Variants in GBP7 observed in about 807,000 individuals in gnomAD.
The protein encoded by GBP7 is guanylate binding protein 7.
GBP7 carries 43 observed loss-of-function variants against 61.3 expected under a neutral mutation model. The observed-to-expected ratio is 0.70, with a 90% CI of 0.55 to 0.91. GBP7 has a LOEUF of 0.91. Among genes scored for constraint, GBP7 ranks in the 40% least tolerant of loss-of-function variants. The pLI is 0.00. For missense variants in GBP7, 717 were observed against 740.5 expected (o/e 0.97, Z 0.37); for synonymous variants, 267 against 271.0 (o/e 0.99, Z 0.14).
chr1:89,150,849 C>T (rs1682180747), intron 5 of GBP7, among the ~76,000 whole-genome samples: 1 of 152,268 alleles, frequency 6.6e-6, no homozygotes, highest in South Asian at 2.1e-4. Flanking sequence ...TTTCCTCAGC[C>T]ACTGTATGAT....
intron 8 of GBP7, among the ~76,000 whole-genome samples, chr1:89,145,256 T>C (rs1359393860): frequency 2.0e-5 from 3 of 152,174 alleles, no homozygotes; most frequent in Non-Finnish European, 4.4e-5. Flanking sequence ...TAGCTGACTT[T>C]CGCTCTTTTT....
At chr1:89,156,370 A>G (rs565742927) in intron 3 of GBP7, among the ~76,000 whole-genome samples, 5,027 of 152,292 alleles carry the variant, frequency 0.033, 274 homozygotes, top group African/African-American at 0.11. Context: ...CCTTAAATGT[A>G]AATGGGCTAA....
chr1:89,133,245 C>T lies in GBP7; in HGVS notation c.1662+13G>A. ...TTGTGCCTCAAGCACTGCCAAGCTT[C>T]ATCCAGACTCACCTTCATCTTGTGA... On this transcript the variant is annotated intron_variant, in intron 10 of 10. Coordinates refer to ENST00000294671, the MANE Select transcript of GBP7 (RefSeq NM_207398.3). 1 of 1,609,768 alleles carries T rather than the reference C, an allele frequency of 6.2e-7. No individual in the cohort carries two copies. Among genetic ancestry groups the T allele is most frequent in the Non-Finnish European group, 8.5e-7 (1 of 1,176,674 alleles).
At chr1:89,133,185 A>T in intron 10 of GBP7, 73 bp downstream of exon 10, 1 of 1,115,082 alleles carries the variant, frequency 9.0e-7, no homozygotes, top group Non-Finnish European at 1.3e-6. Context: ...GACTGAGCTT[A>T]AAATTTTGGC....
intron 2 of GBP7, among the ~76,000 whole-genome samples, chr1:89,168,413 T>G (rs775165074): frequency 2.2e-4 from 34 of 152,152 alleles, no homozygotes; most frequent in African/African-American, 5.3e-4. Flanking sequence ...ACAGAAAAAC[T>G]GAAAATAACC....
intron 9 of GBP7, among the ~76,000 whole-genome samples, chr1:89,141,279 T>G (rs1681941063): frequency 6.6e-6 from 1 of 152,052 alleles, no homozygotes; most frequent in Non-Finnish European, 1.5e-5. Flanking sequence ...CAAAATGACT[T>G]TGAAAAAAGC....
chr1:89,150,084 G>C (rs531938804), intron 6 of GBP7, among the ~76,000 whole-genome samples: 2 of 152,270 alleles, frequency 1.3e-5, no homozygotes, highest in Non-Finnish European at 2.9e-5. Context: ...ATAAGATTAC[G>C]CTGAATTTTG....
chr1:89,147,281 G>C (rs1682091197), intron 8 of GBP7, among the ~76,000 whole-genome samples: 1 of 152,062 alleles, frequency 6.6e-6, no homozygotes, highest in Non-Finnish European at 1.5e-5. Context: ...TCCTTTCATA[G>C]TGTATTTCTG....
At chr1:89,170,224 T>C (rs1647561823) in intron 2 of GBP7, among the ~76,000 whole-genome samples, 1 of 152,244 alleles carries the variant, frequency 6.6e-6, no homozygotes, top group Non-Finnish European at 1.5e-5. Flanking sequence ...TTTTAATTTG[T>C]TTAATTGGCC....
In GBP7 at chr1:89,175,949, A is replaced by G. The variant is rs1647725849; in HGVS notation, c.-48T>C. ...GAGTAGAGATCCTCTGGACTTGGTA[A>G]GAAGGCAGCTTCAATGAGAAAGTTA... On this transcript the variant is annotated 5_prime_UTR_variant, in exon 1 of 11. Transcript: ENST00000294671. The G allele has an allele frequency of 6.6e-6, 1 of 152,244 alleles. No homozygotes were observed. Among genetic ancestry groups the G allele is most frequent in the Admixed American group, 6.5e-5 (1 of 15,288 alleles). 9.4% of individuals were successfully genotyped at this position (152,244 alleles called of 1,614,324 possible).
intron 8 of GBP7, among the ~76,000 whole-genome samples, chr1:89,142,732 T>A (rs1395506198): frequency 6.6e-6 from 1 of 152,094 alleles, no homozygotes; most frequent in Non-Finnish European, 1.5e-5. Flanking sequence ...GTGGGGCACA[T>A]CACAGAAGGA....
At chr1:89,155,452 A>G (rs974584627) in intron 3 of GBP7, among the ~76,000 whole-genome samples, 1 of 152,156 alleles carries the variant, frequency 6.6e-6, no homozygotes, top group South Asian at 2.1e-4. Flanking sequence ...GAAGCTAAAA[A>G]CCTTGAAAAA....
At chr1:89,143,682 T>C (rs1346585294) in intron 8 of GBP7, among the ~76,000 whole-genome samples, 1 of 152,148 alleles carries the variant, frequency 6.6e-6, no homozygotes, top group Non-Finnish European at 1.5e-5. Context: ...GCATGTCACA[T>C]GACAAAAGCA....
chr1:89,165,169 G>C (rs780215768), intron 2 of GBP7, among the ~76,000 whole-genome samples: 2 of 152,130 alleles, frequency 1.3e-5, no homozygotes, highest in Non-Finnish European at 2.9e-5. Flanking sequence ...TGGAACTTCA[G>C]TGAAGTCTGA....
At chr1:89,175,531 A>G (rs931670225) in intron 1 of GBP7, among the ~76,000 whole-genome samples, 1 of 152,210 alleles carries the variant, frequency 6.6e-6, no homozygotes, top group African/African-American at 2.4e-5. Context: ...AAGGTCCTGG[A>G]TTATAATAAT....
chr1:89,156,352 A>C (rs570824622), intron 3 of GBP7, among the ~76,000 whole-genome samples: 1 of 152,316 alleles, frequency 6.6e-6, no homozygotes, highest in South Asian at 2.1e-4. Context: ...CACACATAAC[A>C]ATATTAACCT....
At chr1:89,152,124 A>G in intron 5 of GBP7, 144 bp downstream of exon 5, 1 of 626,862 alleles carries the variant, frequency 1.6e-6, no homozygotes, top group Admixed American at 3.0e-5. Flanking sequence ...CACAAAAATC[A>G]TAATCACTTA....
At chr1:89,174,768 T>G (rs550165604) in intron 1 of GBP7, among the ~76,000 whole-genome samples, 2 of 152,284 alleles carry the variant, frequency 1.3e-5, no homozygotes, top group East Asian at 3.9e-4. Flanking sequence ...ATTTTTGACT[T>G]GATTATGTTA....
intron 9 of GBP7, among the ~76,000 whole-genome samples, chr1:89,136,930 GAGA>G (rs1476873965): frequency 6.6e-6 from 1 of 151,864 alleles, no homozygotes; most frequent in Non-Finnish European, 1.5e-5. Context: ...AACAAAAAAA[GAGA>G]AGATCCAAAT....
Sources: gnomAD v4.1 joint callset for allele counts (sites outside exome capture counted in the v4.1 genomes callset) on GRCh38, gnomAD v4.1.1 for gene constraint, MANE v1.5 for transcripts, NCBI Gene and HGNC (gene_info 2026-07-23, HGNC 2026-07-21) for gene names.